Variants in SCLT1 observed in about 807,000 individuals in gnomAD.
SCLT1 encodes sodium channel-associated protein 1.
Under a neutral mutation model 112.8 loss-of-function variants are expected in SCLT1, and 78 were observed. The ratio of observed to expected loss-of-function variants is 0.69; its 90% confidence interval spans 0.58 to 0.83. The LOEUF (loss-of-function observed/expected upper bound fraction) is 0.83. Among genes scored for constraint, SCLT1 ranks in the 40% least tolerant of loss-of-function variants. SCLT1 has a pLI of 0.00. For missense variants in SCLT1, 747 were observed against 770.4 expected (o/e 0.97, Z 0.36); for synonymous variants, 257 against 254.7 (o/e 1.01, Z -0.09).
chr4:129,050,137 C>G (rs1253386917), intron 2 of SCLT1, among the ~76,000 whole-genome samples: 1 of 152,162 alleles, frequency 6.6e-6, no homozygotes, highest in Non-Finnish European at 1.5e-5. Context: ...TCCAGTCTAT[C>G]ATTGATAGGC....
intron 18 of SCLT1, among the ~76,000 whole-genome samples, chr4:128,894,171 G>T (rs1007881888): frequency 5.9e-5 from 9 of 151,750 alleles, no homozygotes; most frequent in African/African-American, 2.2e-4. Context: ...AGAACTCCTG[G>T]GCTCAAGCAG....
At chr4:128,882,874 C>T (rs1387436991), downstream of SCLT1, among the ~76,000 whole-genome samples, 1 of 152,116 alleles carries the variant, frequency 6.6e-6, no homozygotes, top group Non-Finnish European at 1.5e-5. Flanking sequence ...ATGCCAGACA[C>T]GGTGGCTCAG....
At chr4:129,074,862 C>A (rs72926064) in intron 2 of SCLT1, among the ~76,000 whole-genome samples, 2 of 152,024 alleles carry the variant, frequency 1.3e-5, no homozygotes, top group South Asian at 4.2e-4. Flanking sequence ...CCATCATGCC[C>A]GGCTAATTTT....
chr4:129,083,168 G>A (rs1752092986), intron 1 of SCLT1, among the ~76,000 whole-genome samples: 1 of 132,820 alleles, frequency 7.5e-6, no homozygotes, highest in Admixed American at 8.6e-5. Flanking sequence ...CCCAGCCTGG[G>A]TGACAGAGTG....
At chr4:129,000,083 C>G (rs175964) in intron 6 of SCLT1, among the ~76,000 whole-genome samples, 39,207 of 151,606 alleles carry the variant, frequency 0.26, 6,221 homozygotes, top group Non-Finnish European at 0.35. Context: ...GTTCTTTGTT[C>G]CACAAGAAAG....
chr4:128,911,750 G>A (rs968595542), intron 18 of SCLT1, among the ~76,000 whole-genome samples: 1 of 152,150 alleles, frequency 6.6e-6, no homozygotes, highest in Non-Finnish European at 1.5e-5. Context: ...GGAGGACTAC[G>A]TATATCATGA....
intron 9 of SCLT1, among the ~76,000 whole-genome samples, chr4:128,980,862 A>G (rs1287913937): frequency 6.6e-6 from 1 of 152,194 alleles, no homozygotes; most frequent in Non-Finnish European, 1.5e-5. Flanking sequence ...AGGAGATAAA[A>G]TATAATTTTT....
intron 2 of SCLT1, among the ~76,000 whole-genome samples, chr4:129,075,548 A>T (rs1225905345): frequency 6.6e-6 from 1 of 152,178 alleles, no homozygotes; most frequent in East Asian, 1.9e-4. Context: ...AGCTTCAAGC[A>T]TATATAACTA....
At chr4:129,004,213 A>T (rs966241919) in intron 5 of SCLT1, among the ~76,000 whole-genome samples, 3 of 152,150 alleles carry the variant, frequency 2.0e-5, no homozygotes, top group Non-Finnish European at 1.5e-5. Flanking sequence ...CATTCAGAAA[A>T]ATTCTAAAAT....
intron 18 of SCLT1, among the ~76,000 whole-genome samples, chr4:128,897,306 C>T (rs1733850968): frequency 6.6e-6 from 1 of 152,036 alleles, no homozygotes; most frequent in African/African-American, 2.4e-5. Context: ...GGAAGCCCAT[C>T]AGACTAACAG....
intron 1 of SCLT1, among the ~76,000 whole-genome samples, chr4:129,092,374 A>G (rs2125791920): frequency 6.6e-6 from 1 of 152,312 alleles, no homozygotes; most frequent in East Asian, 1.9e-4. Flanking sequence ...TCTATTTGGG[A>G]TGCCTAGAGT....
intron 9 of SCLT1, among the ~76,000 whole-genome samples, chr4:128,975,918 G>C (rs1264126220): frequency 6.6e-6 from 1 of 151,972 alleles, no homozygotes; most frequent in Non-Finnish European, 1.5e-5. Flanking sequence ...AAGACAGAAG[G>C]GTTCCAAAGA....
intron 1 of SCLT1, among the ~76,000 whole-genome samples, chr4:129,092,403 A>G (rs924204421): frequency 6.6e-6 from 1 of 152,222 alleles, no homozygotes; most frequent in Admixed American, 6.5e-5. Context: ...TAGTAAATTC[A>G]TATTTGTACT....
At chr4:129,059,700 G>A (rs562863825) in intron 2 of SCLT1, among the ~76,000 whole-genome samples, 11 of 152,250 alleles carry the variant, frequency 7.2e-5, no homozygotes, top group African/African-American at 2.6e-4. Context: ...TAAGGTTTCT[G>A]CAGAGAAATG....
intron 1 of SCLT1, among the ~76,000 whole-genome samples, chr4:129,085,241 C>T (rs769455394): frequency 1.3e-5 from 2 of 152,032 alleles, no homozygotes; most frequent in African/African-American, 2.4e-5. Flanking sequence ...GACATATATG[C>T]GGTCAGCAAG....
chr4:128,952,515 T>C, intron 14 of SCLT1: 6 of 557,018 alleles, frequency 1.1e-5, no homozygotes, highest in South Asian at 3.4e-5. Flanking sequence ...CAGCTAGCAA[T>C]AGCATCCTGT....
chr4:129,001,493 G>A (rs1273583354), intron 6 of SCLT1, among the ~76,000 whole-genome samples: 1 of 151,886 alleles, frequency 6.6e-6, no homozygotes, highest in Admixed American at 6.6e-5. Flanking sequence ...TATGTCAAAT[G>A]TTTCATTACG....
chr4:128,879,839 T>A (rs1339881963), downstream of SCLT1, among the ~76,000 whole-genome samples: 3 of 152,214 alleles, frequency 2.0e-5, no homozygotes, highest in African/African-American at 7.2e-5. Context: ...AGTCTCACTT[T>A]TAATCTTCCT....
intron 2 of SCLT1, among the ~76,000 whole-genome samples, chr4:129,075,683 G>A (rs1445536608): frequency 6.6e-6 from 1 of 152,160 alleles, no homozygotes; most frequent in East Asian, 1.9e-4. Flanking sequence ...ACTGGACAGT[G>A]CAGAATTATA....
Sources: allele counts gnomAD v4.1 joint callset (sites outside exome capture counted in the v4.1 genomes callset), GRCh38; gene constraint gnomAD v4.1.1; transcripts MANE v1.5; gene names NCBI Gene and HGNC (gene_info 2026-07-23, HGNC 2026-07-21).